Variants in KIF11 observed in about 807,000 individuals in gnomAD.
The protein encoded by KIF11 is kinesin-like protein KIF11.
KIF11 carries 9 observed loss-of-function variants against 121.0 expected under a neutral mutation model. That is an observed-to-expected ratio of 0.07 (90% CI 0.04 to 0.13). KIF11 has a LOEUF of 0.13. KIF11 is among the 10% of genes least tolerant of loss of function. The pLI is 1.00. For missense variants in KIF11, 846 were observed against 1,217.5 expected (o/e 0.69, Z 4.54); for synonymous variants, 408 against 421.0 (o/e 0.97, Z 0.38).
chr10:92,612,293 G>A (rs955833377), intron 6 of KIF11, among the ~76,000 whole-genome samples: 5 of 151,814 alleles, frequency 3.3e-5, no homozygotes, highest in African/African-American at 4.8e-5. Flanking sequence ...GTGCCACCAC[G>A]CCCAGCTAAT....
chr10:92,598,770 G>GT (rs965395183), intron 1 of KIF11, among the ~76,000 whole-genome samples: 56 of 151,408 alleles, frequency 3.7e-4, no homozygotes, highest in Middle Eastern at 6.8e-3. Context: ...TCTGCCAGCA[G>GT]TTTTTTTTTG....
intron 11 of KIF11, 77 bp from the exon 12 acceptor site, chr10:92,630,097 TTG>T (rs1844720273): frequency 1.4e-6 from 1 of 716,670 alleles, no homozygotes; most frequent in African/African-American, 1.9e-5. Context: ...TGGAAATAAT[TTG>T]TTTCATTTTT....
intron 10 of KIF11, among the ~76,000 whole-genome samples, chr10:92,622,100 A>AC (rs1280646430): frequency 1.3e-5 from 2 of 151,340 alleles, no homozygotes; most frequent in Non-Finnish European, 2.9e-5. Flanking sequence ...ACATGGAGAA[A>AC]CCCCATCACT....
At chr10:92,639,735 T>TA (rs1363339450) in intron 16 of KIF11, 59 bp from the exon 17 acceptor site, 5 of 904,920 alleles carry the variant, frequency 5.5e-6, no homozygotes, top group Non-Finnish European at 8.9e-6. Flanking sequence ...TTATCAGTCA[T>TA]AAAAAATGTT....
intron 20 of KIF11, 143 bp downstream of exon 20, chr10:92,650,129 C>A (rs1844965513): frequency 4.7e-6 from 3 of 638,056 alleles, no homozygotes; most frequent in Non-Finnish European, 8.0e-6. Context: ...AGGCTTGTTT[C>A]TTTTAATCTT....
At chr10:92,607,389 G>GC in intron 4 of KIF11, 152 bp downstream of exon 4, 3 of 566,964 alleles carry the variant, frequency 5.3e-6, no homozygotes, top group Non-Finnish European at 9.4e-6. Flanking sequence ...AAATTAAAGT[G>GC]CATGGTATGA....
At chr10:92,599,121 C>T (rs1844335584) in intron 1 of KIF11, among the ~76,000 whole-genome samples, 1 of 151,660 alleles carries the variant, frequency 6.6e-6, no homozygotes, top group Admixed American at 6.6e-5. Context: ...CTTTCACCTC[C>T]TTGGTTAAAT....
intron 6 of KIF11, among the ~76,000 whole-genome samples, chr10:92,612,741 A>C (rs1407122086): frequency 6.6e-6 from 1 of 152,194 alleles, no homozygotes; most frequent in Non-Finnish European, 1.5e-5. Flanking sequence ...TCTTCTTGAC[A>C]TACCAGGCAA....
At chr10:92,610,739 G>A (rs537938843) in intron 6 of KIF11, among the ~76,000 whole-genome samples, 27 of 152,242 alleles carry the variant, frequency 1.8e-4, no homozygotes, top group African/African-American at 6.5e-4. Context: ...TTTCTGGCTT[G>A]TAGTTGAAAA....
chr10:92,642,452 G>T (rs979832477), intron 17 of KIF11, among the ~76,000 whole-genome samples: 1 of 152,188 alleles, frequency 6.6e-6, no homozygotes, highest in Non-Finnish European at 1.5e-5. Context: ...TGTTCTGTAT[G>T]TGTCACTTTG....
At chr10:92,606,498 C>G (rs1489435572) in intron 2 of KIF11, 101 bp downstream of exon 2, 2 of 1,215,644 alleles carry the variant, frequency 1.6e-6, no homozygotes, top group Non-Finnish European at 2.3e-6. Flanking sequence ...TTTCAGTTGT[C>G]TCTGAATTGT....
intron 18 of KIF11, among the ~76,000 whole-genome samples, chr10:92,646,555 ATATGAGCC>A (rs1844922343): frequency 6.6e-6 from 1 of 152,196 alleles, no homozygotes; most frequent in African/African-American, 2.4e-5. Flanking sequence ...AATGTATAAT[ATATGAGCC>A]TAGAGATCTT....
At chr10:92,611,245 C>T (rs1302208545) in intron 6 of KIF11, among the ~76,000 whole-genome samples, 2 of 151,980 alleles carry the variant, frequency 1.3e-5, no homozygotes, top group African/African-American at 2.4e-5. Flanking sequence ...CAGAGCCTCT[C>T]TCTGTCCCCC....
In KIF11 at chr10:92,593,225, G is replaced by GT; in HGVS notation, c.-151_-150insT. 1.5e-6 allele frequency: 1 copy of GT among 678,030 alleles called. No individual in the cohort carries two copies. The highest frequency in any genetic ancestry group is 2.5e-6 in the Non-Finnish European group (1 of 397,086). 42.0% of individuals were successfully genotyped at this position (678,030 alleles called of 1,614,324 possible). The stretch of plus-strand genomic sequence containing the variant: ...CGGCCAGAGTACCGGGTAGAGAGCG[G>GT]GGACGCCGACCTGCGTGCGTCGGTC... On this transcript the variant is annotated 5_prime_UTR_variant, in exon 1 of 22. Coordinates refer to ENST00000260731, the MANE Select transcript of KIF11 (RefSeq NM_004523.4).
chr10:92,609,786 G>T (rs749229596), intron 6 of KIF11, among the ~76,000 whole-genome samples: 5 of 152,042 alleles, frequency 3.3e-5, no homozygotes, highest in Non-Finnish European at 7.4e-5. Context: ...ACCCAGGCTG[G>T]AGTGCAGTGG....
At chr10:92,624,335 A>G (rs1390589223) in intron 10 of KIF11, among the ~76,000 whole-genome samples, 2 of 142,134 alleles carry the variant, frequency 1.4e-5, no homozygotes, top group East Asian at 2.1e-4. Flanking sequence ...GGTTCAAGTG[A>G]TTCTCCTACC....
intron 21 of KIF11, among the ~76,000 whole-genome samples, chr10:92,651,892 T>G (rs1844990311): frequency 6.6e-6 from 1 of 151,668 alleles, no homozygotes; most frequent in South Asian, 2.1e-4. Flanking sequence ...AGGAAAAATT[T>G]CCTTACGTAG....
At chr10:92,608,092 CA>C (rs1476250146) in intron 4 of KIF11, among the ~76,000 whole-genome samples, 94 of 145,588 alleles carry the variant, frequency 6.5e-4, no homozygotes, top group African/African-American at 2.2e-3. Flanking sequence ...AACAAAAAAC[CA>C]AAAAACTAGT....
chr10:92,643,841 A>G (rs7088685), intron 17 of KIF11, among the ~76,000 whole-genome samples: 1 of 151,882 alleles, frequency 6.6e-6, no homozygotes, highest in Non-Finnish European at 1.5e-5. Context: ...CTTCTATTAT[A>G]CTTCTGTTGA....
Sources: allele counts gnomAD v4.1 joint callset (sites outside exome capture counted in the v4.1 genomes callset), GRCh38; gene constraint gnomAD v4.1.1; transcripts MANE v1.5; gene names NCBI Gene and HGNC (gene_info 2026-07-23, HGNC 2026-07-21).